Variants in DLG2 observed in about 807,000 individuals in gnomAD.
The protein encoded by DLG2 is disks large homolog 2.
In DLG2, 45 loss-of-function variants were observed where a neutral mutation model predicts 132.5. The ratio of observed to expected loss-of-function variants is 0.34; its 90% CI spans 0.27 to 0.44. The LOEUF is 0.44. Among genes scored for constraint, DLG2 ranks in the 20% least tolerant of loss-of-function variants. DLG2 has a pLI of 1.00. For synonymous variants in DLG2, 424 were observed against 419.6 expected (o/e 1.01, Z -0.13); for missense variants, 1,045 against 1,196.9 (o/e 0.87, Z 1.87).
At chr11:83,707,259 G>A (rs919204252) in intron 18 of DLG2, among the ~76,000 whole-genome samples, 2 of 152,132 alleles carry the variant, frequency 1.3e-5, no homozygotes, top group Non-Finnish European at 2.9e-5. Flanking sequence ...GTAGAAATCA[G>A]TTGCCCTTAG....
chr11:84,769,972 T>C (rs537048444), intron 6 of DLG2, among the ~76,000 whole-genome samples: 1 of 152,308 alleles, frequency 6.6e-6, no homozygotes, highest in African/African-American at 2.4e-5. Flanking sequence ...CTCGGTATAG[T>C]TCAGATATTT....
intron 3 of DLG2, among the ~76,000 whole-genome samples, chr11:85,477,526 A>G (rs908193658): frequency 1.3e-5 from 2 of 152,240 alleles, no homozygotes; most frequent in African/African-American, 2.4e-5. Context: ...CAGTTATTCT[A>G]CATTTACTAA....
chr11:85,030,858 T>C (rs1297240692), intron 6 of DLG2, among the ~76,000 whole-genome samples: 1 of 152,208 alleles, frequency 6.6e-6, no homozygotes, highest in Non-Finnish European at 1.5e-5. Context: ...ACAATTTTAT[T>C]TTCGATTTTT....
chr11:85,487,441 G>C (rs2093454549), intron 3 of DLG2, among the ~76,000 whole-genome samples: 1 of 147,712 alleles, frequency 6.8e-6, no homozygotes, highest in South Asian at 2.1e-4. Flanking sequence ...AAAAACCTCA[G>C]GATATGATGA....
At chr11:84,591,041 T>G (rs2099541460) in intron 6 of DLG2, among the ~76,000 whole-genome samples, 1 of 152,074 alleles carries the variant, frequency 6.6e-6, no homozygotes, top group Non-Finnish European at 1.5e-5. Context: ...ACACAAAAGT[T>G]TCTAGTATGA....
At chr11:84,181,419 AG>A (rs2096124422) in intron 8 of DLG2, among the ~76,000 whole-genome samples, 2 of 152,108 alleles carry the variant, frequency 1.3e-5, no homozygotes, top group Admixed American at 6.6e-5. Context: ...AGGCAGAAAA[AG>A]TGTGGAAGAC....
intron 6 of DLG2, among the ~76,000 whole-genome samples, chr11:84,811,702 T>C (rs1458030320): frequency 3.3e-5 from 5 of 152,290 alleles, no homozygotes; most frequent in African/African-American, 9.6e-5. Context: ...CATTCACTTA[T>C]TTATATATCC....
At chr11:84,869,943 G>A (rs2085213147) in intron 6 of DLG2, among the ~76,000 whole-genome samples, 1 of 152,118 alleles carries the variant, frequency 6.6e-6, no homozygotes, top group Non-Finnish European at 1.5e-5. Flanking sequence ...ATATGTTTTT[G>A]GAAAAATGCC....
chr11:83,580,038 C>A (rs1192742170), intron 19 of DLG2, among the ~76,000 whole-genome samples: 2 of 151,880 alleles, frequency 1.3e-5, no homozygotes, highest in African/African-American at 4.8e-5. Context: ...GAGGGAGAAA[C>A]AGCTACAACT....
At chr11:84,420,477 T>TC (rs1445450462) in intron 7 of DLG2, among the ~76,000 whole-genome samples, 2 of 152,018 alleles carry the variant, frequency 1.3e-5, no homozygotes, top group East Asian at 1.9e-4. Flanking sequence ...TCACTTTATT[T>TC]CCCCCAACAC....
chr11:85,154,330 G>A (rs541054818), intron 5 of DLG2, among the ~76,000 whole-genome samples: 4 of 152,156 alleles, frequency 2.6e-5, no homozygotes, highest in South Asian at 4.2e-4. Flanking sequence ...TGAAGACTAC[G>A]TACTAAAACA....
chr11:84,653,774 T>C (rs2099684872), intron 6 of DLG2, among the ~76,000 whole-genome samples: 2 of 152,210 alleles, frequency 1.3e-5, no homozygotes, highest in Admixed American at 1.3e-4. Context: ...CTCCTGCTCC[T>C]CTCAGTGTCA....
chr11:85,357,751 T>TTTATATATATATATAAAATATATA (rs1596496429), intron 3 of DLG2, among the ~76,000 whole-genome samples: 1 of 70,726 alleles, frequency 1.4e-5, no homozygotes, highest in East Asian at 4.2e-4. Flanking sequence ...TATATATATA[T>TTTATATATATATATAAAATATATA]ATATATATAT....
At chr11:85,241,215 T>C (rs1441325278) in intron 4 of DLG2, among the ~76,000 whole-genome samples, 1 of 151,826 alleles carries the variant, frequency 6.6e-6, no homozygotes, top group Non-Finnish European at 1.5e-5. Context: ...TGTTTAGACA[T>C]GAAGTTGATT....
At chr11:85,213,918 G>C (rs531006969) in intron 4 of DLG2, among the ~76,000 whole-genome samples, 4 of 152,166 alleles carry the variant, frequency 2.6e-5, no homozygotes, top group African/African-American at 9.6e-5. Flanking sequence ...GGAAAAACAG[G>C]GAAGAAAGTG....
intron 6 of DLG2, among the ~76,000 whole-genome samples, chr11:85,053,670 T>C (rs1424252711): frequency 7.0e-6 from 1 of 143,290 alleles, no homozygotes; most frequent in African/African-American, 2.6e-5. Context: ...GGCGTGGTGG[T>C]GGGCGCCTGT....
chr11:85,352,931 G>A (rs1023187822), intron 3 of DLG2, among the ~76,000 whole-genome samples: 7 of 152,084 alleles, frequency 4.6e-5, no homozygotes, highest in Admixed American at 2.0e-4. Flanking sequence ...GCATGTGCAA[G>A]GACTTCATGT....
chr11:84,885,681 T>C (rs2088151403), intron 6 of DLG2, among the ~76,000 whole-genome samples: 2 of 152,090 alleles, frequency 1.3e-5, no homozygotes, highest in South Asian at 4.1e-4. Flanking sequence ...GATAAATGTG[T>C]GTAGCACAGT....
At chr11:83,990,562 C>T (rs1199764722) in intron 11 of DLG2, among the ~76,000 whole-genome samples, 1 of 152,120 alleles carries the variant, frequency 6.6e-6, no homozygotes, top group Non-Finnish European at 1.5e-5. Context: ...AGAAGCTTGG[C>T]AGCAGAGATT....
Sources: gnomAD v4.1 joint callset for allele counts (sites outside exome capture counted in the v4.1 genomes callset) on GRCh38, gnomAD v4.1.1 for gene constraint, MANE v1.5 for transcripts, NCBI Gene and HGNC (gene_info 2026-07-23, HGNC 2026-07-21) for gene names.